DPYD: variants seen among roughly 807,000 people sequenced by gnomAD.
DPYD encodes dihydropyrimidine dehydrogenase [NADP(+)].
In DPYD, 109 loss-of-function variants were observed where a neutral mutation model predicts 116.2. The observed-to-expected ratio is 0.94, with a 90% CI of 0.80 to 1.10. The LOEUF (loss-of-function observed/expected upper bound fraction) is 1.10, where lower values mean the gene tolerates loss of function less well. DPYD is among the 50% of genes least tolerant of loss of function. DPYD has a pLI of 0.00. For missense variants in DPYD, 1,302 were observed against 1,254.5 expected (o/e 1.04, Z -0.57); for synonymous variants, 440 against 432.0 (o/e 1.02, Z -0.23).
chr1:97,305,187 T>C, intron 18 of DPYD, 72 bp downstream of exon 18: 3 of 1,608,338 alleles, frequency 1.9e-6, no homozygotes, highest in African/African-American at 1.3e-5. Context: ...GGCACAAAAC[T>C]CTTGCAACAT....
Position 97,515,776 on chromosome 1 carries a change from A to C in DPYD, c.1690T>G (p.Phe564Val). 1.2e-6 allele frequency: 2 copies of C among 1,612,906 alleles called. No homozygotes were observed. The highest frequency in any genetic ancestry group is 1.7e-6 in the Non-Finnish European group (2 of 1,179,234). The change falls in exon 13 of 23, where the codon TTT becomes GTT. Residue 564 changes from phenylalanine to valine, a missense_variant. By Grantham distance (50) the Phe-to-Val change is conservative (BLOSUM62 -1). Transcript: ENST00000370192. ...ATSTSMIRRA[F>V]EAGWGFALTK... ...AGGGCAAAACCCCATCCAGCTTCAA[A>C]AGCTCTTCGAATCATTGATGTGCTG...
chr1:97,782,598 C>A (rs1666811395), intron 3 of DPYD, among the ~76,000 whole-genome samples: 1 of 152,146 alleles, frequency 6.6e-6, no homozygotes, highest in South Asian at 2.1e-4. Flanking sequence ...ATTCATTTCC[C>A]TGTTTAGATT....
At chr1:97,183,791 T>C (rs765768393) in intron 20 of DPYD, among the ~76,000 whole-genome samples, 20 of 152,100 alleles carry the variant, frequency 1.3e-4, no homozygotes, top group Non-Finnish European at 2.6e-4. Flanking sequence ...GATGCAAGGG[T>C]ACATATGCAG....
At chr1:97,347,504 T>C (rs74885558) in intron 16 of DPYD, among the ~76,000 whole-genome samples, 8,414 of 152,138 alleles carry the variant, frequency 0.055, 279 homozygotes, top group Middle Eastern at 0.12. Context: ...TTCATCTTTT[T>C]AATCTTTTAA....
At chr1:97,774,837 A>G (rs997253043) in intron 3 of DPYD, 1 of 192,164 alleles carries the variant, frequency 5.2e-6, no homozygotes, top group African/African-American at 2.3e-5. Flanking sequence ...ACTGTGGGAA[A>G]CGGTTTGACG....
intron 16 of DPYD, among the ~76,000 whole-genome samples, chr1:97,346,334 T>C (rs1255357779): frequency 1.3e-5 from 2 of 151,870 alleles, no homozygotes; most frequent in African/African-American, 4.8e-5. Flanking sequence ...TCTTAAGTGG[T>C]TGCTCGATCC....
chr1:97,435,687 T>C (rs921670090), intron 14 of DPYD, among the ~76,000 whole-genome samples: 1 of 152,012 alleles, frequency 6.6e-6, no homozygotes, highest in Non-Finnish European at 1.5e-5. Flanking sequence ...TATTGTTTTT[T>C]ATAAGCTATT....
At chr1:97,894,467 C>T (rs1672949633) in intron 1 of DPYD, among the ~76,000 whole-genome samples, 1 of 151,896 alleles carries the variant, frequency 6.6e-6, no homozygotes, top group South Asian at 2.1e-4. Flanking sequence ...AACTTAAAGT[C>T]ACCTTTAGCC....
intron 19 of DPYD, among the ~76,000 whole-genome samples, chr1:97,222,790 T>C (rs1660862454): frequency 6.6e-6 from 1 of 152,076 alleles, no homozygotes; most frequent in South Asian, 2.1e-4. Context: ...CACAAGAAAT[T>C]GCATAATGGA....
chr1:97,826,723 C>A (rs902544929), intron 3 of DPYD, among the ~76,000 whole-genome samples: 1 of 152,012 alleles, frequency 6.6e-6, no homozygotes, highest in Non-Finnish European at 1.5e-5. Flanking sequence ...TATTTTACAA[C>A]TTATTTTTAA....
At chr1:97,305,835 T>C (rs1667125736) in intron 17 of DPYD, among the ~76,000 whole-genome samples, 1 of 152,018 alleles carries the variant, frequency 6.6e-6, no homozygotes, top group Non-Finnish European at 1.5e-5. Flanking sequence ...TCTTTTTTAC[T>C]CATTAAAGTT....
intron 10 of DPYD, among the ~76,000 whole-genome samples, chr1:97,578,963 A>G (rs1653456062): frequency 6.6e-6 from 1 of 152,242 alleles, no homozygotes; most frequent in Non-Finnish European, 1.5e-5. Context: ...CTTAAGATAC[A>G]AAATTTAAAA....
chr1:97,435,943 A>C (rs1675447278), intron 14 of DPYD, among the ~76,000 whole-genome samples: 1 of 152,028 alleles, frequency 6.6e-6, no homozygotes, highest in South Asian at 2.1e-4. Context: ...AAACACATAT[A>C]CTTGTAGCAT....
chr1:97,787,123 C>T (rs901057372), intron 3 of DPYD, among the ~76,000 whole-genome samples: 2 of 152,086 alleles, frequency 1.3e-5, no homozygotes, highest in Admixed American at 6.5e-5. Flanking sequence ...GAAAATACTA[C>T]TACAATTTTC....
At chr1:97,099,014 T>C (rs1557861809) in intron 20 of DPYD, among the ~76,000 whole-genome samples, 1 of 152,158 alleles carries the variant, frequency 6.6e-6, no homozygotes. Context: ...GATGCTTTTT[T>C]CCCCTTCATC....
At chr1:97,606,360 A>C (rs540001857) in intron 8 of DPYD, among the ~76,000 whole-genome samples, 217 of 152,166 alleles carry the variant, frequency 1.4e-3, no homozygotes, top group African/African-American at 5.0e-3. Flanking sequence ...AAAATTTAGA[A>C]TAGAGCAAGA....
intron 3 of DPYD, among the ~76,000 whole-genome samples, chr1:97,807,879 A>C (rs1024780515): frequency 1.3e-5 from 2 of 152,044 alleles, no homozygotes; most frequent in African/African-American, 4.8e-5. Flanking sequence ...CAGTGGTTCC[A>C]GTATCATTTA....
intron 3 of DPYD, among the ~76,000 whole-genome samples, chr1:97,807,413 C>T (rs1378588546): frequency 1.3e-5 from 2 of 152,072 alleles, no homozygotes; most frequent in Admixed American, 6.6e-5. Flanking sequence ...CATATTTTCA[C>T]ATGGTTATTT....
chr1:97,446,368 C>T (rs1424210282), intron 14 of DPYD, among the ~76,000 whole-genome samples: 1 of 152,116 alleles, frequency 6.6e-6, no homozygotes, highest in Non-Finnish European at 1.5e-5. Context: ...CCCTGGTACA[C>T]ATAAAATGTT....
Sources: gnomAD v4.1 joint callset for allele counts (sites outside exome capture counted in the v4.1 genomes callset) on GRCh38, gnomAD v4.1.1 for gene constraint, MANE v1.5 for transcripts, NCBI Gene and HGNC (gene_info 2026-07-23, HGNC 2026-07-21) for gene names.